Variants in HECW2 observed in about 807,000 individuals in gnomAD.
The protein encoded by HECW2 is E3 ubiquitin-protein ligase HECW2.
Under a neutral mutation model 175.2 loss-of-function variants are expected in HECW2, and 61 were observed. The ratio of observed to expected loss-of-function variants is 0.35; its 90% confidence interval spans 0.28 to 0.43. HECW2 has a LOEUF of 0.43. HECW2 is among the 20% of genes least tolerant of loss of function. The probability of loss-of-function intolerance (pLI) is 1.00; values close to 1 mark genes in which losing one functional copy is unlikely to be tolerated. For synonymous variants in HECW2, 671 were observed against 731.0 expected (o/e 0.92, Z 1.32); for missense variants, 1,524 against 2,000.5 (o/e 0.76, Z 4.54).
rs117902801 is a variant in HECW2 at position 196,256,716 on chromosome 2, G to A, written c.3419+1107C>T. On this transcript the variant is annotated intron_variant, in intron 18 of 28. Transcript: ENST00000644978. ...CATGATAGAAACATCACACTCTAACGTTAATTGACCAGTAGTCTTCCTGAC... is the reference window on the plus strand; with the variant it reads ...CATGATAGAAACATCACACTCTAACATTAATTGACCAGTAGTCTTCCTGAC... Among the ~76,000 whole-genome samples, 122 of 152,228 alleles carry A rather than the reference G, an allele frequency of 8.0e-4. 3 individuals carry two copies. The East Asian group carries it at 0.022, about 28-fold the overall frequency.
intron 27 of HECW2, among the ~76,000 whole-genome samples, chr2:196,216,689 C>T (rs902324718): frequency 2.6e-5 from 4 of 152,030 alleles, no homozygotes; most frequent in African/African-American, 4.8e-5. Context: ...CTAGGGATGC[C>T]GGCCTGCACT....
chr2:196,514,562 G>A (rs1479196123), intron 1 of HECW2, among the ~76,000 whole-genome samples: 1 of 152,172 alleles, frequency 6.6e-6, no homozygotes, highest in Non-Finnish European at 1.5e-5. Flanking sequence ...AGAACTTATG[G>A]TGCTTTTTCC....
At chr2:196,496,423 G>A (rs1280390182) in intron 1 of HECW2, among the ~76,000 whole-genome samples, 1 of 149,336 alleles carries the variant, frequency 6.7e-6, no homozygotes, top group Non-Finnish European at 1.5e-5. Context: ...TATATATATA[G>A]TACATATATT....
rs1388045449 is a variant in HECW2, at chr2:196,343,769, A to G, written c.293-5T>C. On this transcript the variant is annotated splice_polypyrimidine_tract_variant and splice_region_variant and intron_variant, in intron 2 of 28. Transcript: ENST00000644978. ...AGTTGGCTGGAGAATTCTCATCTAG[A>G]AAAACCAAAGAAACACTTTTCAGAT... The G allele has an allele frequency of 1.3e-6, 2 of 1,576,662 alleles. No homozygotes were observed. Among genetic ancestry groups the G allele is most frequent in the Non-Finnish European group, 1.7e-6 (2 of 1,146,308 alleles).
intron 19 of HECW2, among the ~76,000 whole-genome samples, chr2:196,252,543 C>A (rs111873354): frequency 6.6e-6 from 1 of 152,204 alleles, no homozygotes; most frequent in African/African-American, 2.4e-5. Context: ...TGTGGTACCT[C>A]CCCCCTGCTC....
At chr2:196,222,375 G>T (rs564074442) in intron 23 of HECW2, 35 bp from the exon 24 acceptor site, 13 of 1,602,110 alleles carry the variant, frequency 8.1e-6, no homozygotes, top group South Asian at 5.6e-5. Context: ...AAATATGTAG[G>T]CATGGCTATT....
chr2:196,202,346 A>G (rs1205624109), intron 28 of HECW2, among the ~76,000 whole-genome samples: 1 of 152,140 alleles, frequency 6.6e-6, no homozygotes, highest in African/African-American at 2.4e-5. Flanking sequence ...AATATAATTA[A>G]TATTCCTGGA....
intron 20 of HECW2, among the ~76,000 whole-genome samples, chr2:196,241,112 T>G (rs936027361): frequency 2.2e-4 from 33 of 152,188 alleles, no homozygotes; most frequent in African/African-American, 8.0e-4. Flanking sequence ...CAGATACAAA[T>G]GAATGATGAG....
intron 1 of HECW2, among the ~76,000 whole-genome samples, chr2:196,449,887 G>A (rs977656077): frequency 6.6e-6 from 1 of 152,104 alleles, no homozygotes. Flanking sequence ...GCAATGGTGT[G>A]ATTCCTTCAG....
chr2:196,317,221 G>T, intron 10 of HECW2, 53 bp downstream of exon 10: 2 of 1,346,090 alleles, frequency 1.5e-6, no homozygotes, highest in Non-Finnish European at 2.1e-6. Flanking sequence ...GGGTCTGCCT[G>T]TCACCTTTCA....
chr2:196,288,706 T>C (rs533651631), intron 14 of HECW2: 1 of 152,370 alleles, frequency 6.6e-6, no homozygotes, highest in South Asian at 2.1e-4. Flanking sequence ...AGATCCCTAC[T>C]TCTACCTCTA....
chr2:196,589,709 A>C (rs2125539186), intron 1 of HECW2, among the ~76,000 whole-genome samples: 1 of 152,330 alleles, frequency 6.6e-6, no homozygotes, highest in South Asian at 2.1e-4. Context: ...ACCAGACACT[A>C]GATCTTGAAA....
At chr2:196,544,007 G>A in intron 1 of HECW2, among the ~76,000 whole-genome samples, 1 of 152,176 alleles carries the variant, frequency 6.6e-6, no homozygotes, top group Admixed American at 6.5e-5. Flanking sequence ...TACCCATCAG[G>A]CAGTCCCATG....
At chr2:196,271,768 TA>T (rs368407453) in intron 16 of HECW2, among the ~76,000 whole-genome samples, 22 of 152,228 alleles carry the variant, frequency 1.4e-4, no homozygotes, top group African/African-American at 5.3e-4. Context: ...CAACAAAAAA[TA>T]AATAAATGAA....
intron 1 of HECW2, among the ~76,000 whole-genome samples, chr2:196,571,523 A>T (rs1161046910): frequency 2.0e-5 from 3 of 152,166 alleles, no homozygotes; most frequent in Admixed American, 2.0e-4. Flanking sequence ...AGCCTGGCCA[A>T]CATGGTGAAA....
rs370564622 is a variant in HECW2, at chr2:196,418,221, C to T, written c.292+14911G>A. On this transcript the variant is annotated intron_variant, in intron 2 of 28. Coordinates refer to ENST00000644978, the MANE Select transcript of HECW2 (RefSeq NM_001348768.2). ...TCGGCTCACTGCAAGCTCTGCCTCC[C>T]GGGTTCACGCCATTCTCCTGCCTCA... Among the ~76,000 whole-genome samples, 45 of 152,020 alleles carry T rather than the reference C, an allele frequency of 3.0e-4. No individual in the cohort carries two copies. In the East Asian group the frequency reaches 4.6e-3, roughly 16 times the overall value.
chr2:196,334,650 A>T, intron 3 of HECW2, 132 bp from the exon 4 acceptor site: 1 of 676,150 alleles, frequency 1.5e-6, no homozygotes, highest in South Asian at 1.9e-5. Context: ...TTTTCCACTC[A>T]GCGCCAACAA....
At chr2:196,327,779 T>C (rs988872076) in intron 5 of HECW2, among the ~76,000 whole-genome samples, 7 of 152,234 alleles carry the variant, frequency 4.6e-5, no homozygotes, top group Admixed American at 2.0e-4. Context: ...GTTAGGTAGC[T>C]AGCCTCCATG....
intron 17 of HECW2, among the ~76,000 whole-genome samples, chr2:196,266,186 A>AC (rs1491083880): frequency 1.5e-3 from 221 of 145,952 alleles, no homozygotes; most frequent in African/African-American, 5.6e-3. Context: ...AAAAAAAAAA[A>AC]ACACAAAACA....
Sources: gnomAD v4.1 joint callset for allele counts (sites outside exome capture counted in the v4.1 genomes callset) on GRCh38, gnomAD v4.1.1 for gene constraint, MANE v1.5 for transcripts, NCBI Gene and HGNC (gene_info 2026-07-23, HGNC 2026-07-21) for gene names.